ITIH4: variants seen among roughly 807,000 people sequenced by gnomAD.
ITIH4 encodes inter-alpha-trypsin inhibitor heavy chain 4, also known as inter-alpha-trypsin inhibitor heavy chain H4.
A neutral mutation model predicts 111.8 loss-of-function variants in ITIH4; 79 were observed. The ratio of observed to expected loss-of-function variants is 0.71; its 90% confidence interval spans 0.59 to 0.85. The LOEUF (loss-of-function observed/expected upper bound fraction) is 0.85, where lower values mean the gene tolerates loss of function less well. Among genes scored for constraint, ITIH4 ranks in the 40% least tolerant of loss-of-function variants. The probability of loss-of-function intolerance (pLI) is 0.00; values close to 1 mark genes in which losing one functional copy is unlikely to be tolerated. For missense variants in ITIH4, 1,065 were observed against 1,195.8 expected (o/e 0.89, Z 1.61); for synonymous variants, 472 against 468.3 (o/e 1.01, Z -0.10).
rs756726939 is a variant in ITIH4, at chr3:52,819,882, C to T, written c.1912+58G>A. On this transcript the variant is annotated intron_variant, in intron 15 of 23. Coordinates refer to ENST00000266041, the MANE Select transcript of ITIH4 (RefSeq NM_002218.5). ...GAGCTGGGCAAGGCACTACCCTCCA[C>T]AGCCAGGACTGAGCCCAATCTGTCA... 2.5e-5 allele frequency: 40 copies of T among 1,605,896 alleles called. 1 individual carries two copies. The South Asian group carries it at 4.1e-4, about 16-fold the overall frequency.
intron 21 of ITIH4, 69 bp from the exon 22 acceptor site, chr3:52,814,432 G>T: frequency 7.0e-7 from 1 of 1,425,490 alleles, no homozygotes; most frequent in South Asian, 1.2e-5. Context: ...TAGTCAGGGT[G>T]GGGAGTGGGC....
chr3:52,814,147 G>C, intron 22 of ITIH4, 62 bp downstream of exon 22: 3 of 1,603,598 alleles, frequency 1.9e-6, no homozygotes, highest in Admixed American at 1.7e-5. Context: ...GAGGGGCGCT[G>C]CCTGTTCCCA....
At position 52,824,232 on chromosome 3, in the gene ITIH4, C is replaced by T; in HGVS notation, c.1129G>A (p.Val377Ile). 1 of 1,613,468 alleles carries T rather than the reference C, an allele frequency of 6.2e-7. No homozygotes were observed. The highest frequency in any genetic ancestry group is 8.5e-7 in the Non-Finnish European group (1 of 1,180,026). The change falls in exon 9 of 24, where the codon GTC becomes ATC. Residue 377 changes from valine (V) to isoleucine (I), a missense_variant. Transcript: ENST00000266041. The surrounding 1 kb of genome is among the most constrained non-coding windows in gnomAD (Gnocchi z 4.3). ...NQEERLPEGSVSLIILLTDGD... is the reference protein window; with the variant it reads ...NQEERLPEGSISLIILLTDGD... ...TCGGTGAGCAGGATGATGAGTGAGACACTCCCTTCGGGCAGCCGCTCCTCC... is the reference window on the plus strand; with the variant it reads ...TCGGTGAGCAGGATGATGAGTGAGATACTCCCTTCGGGCAGCCGCTCCTCC...
chr3:52,820,781 A>G lies in ITIH4; in HGVS notation c.1684T>C (p.Ser562Pro). Residue 562 changes from serine (S) to proline (P), a missense_variant, in exon 13 of 24, where the codon TCC becomes CCC. By Grantham distance (74) the Ser-to-Pro change is moderately conservative (BLOSUM62 -1). Coordinates refer to ENST00000266041, the MANE Select transcript of ITIH4 (RefSeq NM_002218.5). ...GCCTGCTGATCAGCATCGGATGCGGAGACACTGTAGGTGGAGCACATCAGA... is the reference window on the plus strand; with the variant it reads ...GCCTGCTGATCAGCATCGGATGCGGGGACACTGTAGGTGGAGCACATCAGA... ...TIQQLLEQTV[S>P]ASDADQQALR... The G allele has an allele frequency of 6.2e-7, 1 of 1,610,896 alleles. No individual in the cohort carries two copies. The highest frequency in any genetic ancestry group is 8.5e-7 in the Non-Finnish European group (1 of 1,178,302).
chr3:52,817,129 C>G, intron 20 of ITIH4, 71 bp from the exon 21 acceptor site: 1 of 1,323,906 alleles, frequency 7.6e-7, no homozygotes, highest in Non-Finnish European at 1.1e-6. Context: ...CATGGGGAGT[C>G]CCCCCTGATC....
intron 11 of ITIH4, among the ~76,000 whole-genome samples, chr3:52,822,778 A>T (rs979461493): frequency 6.6e-6 from 1 of 152,102 alleles, no homozygotes; most frequent in Non-Finnish European, 1.5e-5. Flanking sequence ...TTCTCTTCAC[A>T]CACGCTGCCC....
At chr3:52,822,273 G>A (rs952435794) in intron 11 of ITIH4, 5 of 152,126 alleles carry the variant, frequency 3.3e-5, no homozygotes, top group African/African-American at 7.2e-5. Context: ...AACCTGGGAG[G>A]TGGAGCTTGC....
Position 52,813,248 on chromosome 3 carries a change from T to C in ITIH4, c.*173A>G, listed in dbSNP as rs955535011. 1.6e-6 allele frequency: 1 copy of C among 640,478 alleles called. No homozygotes were observed. Among genetic ancestry groups the C allele is most frequent in the Non-Finnish European group, 2.8e-6 (1 of 354,610 alleles). The allele number at this position is 640,478 out of a possible 1,614,324, so 39.7% of individuals were successfully genotyped here. On this transcript the variant is annotated 3_prime_UTR_variant, in exon 24 of 24. Transcript: ENST00000266041. Reference sequence around the variant, plus strand: ...GGTTCAGGATGCGAGGTTGAGGCCCTAGGATTTGGCCACATGGAACTGGAG... The same window carrying C: ...GGTTCAGGATGCGAGGTTGAGGCCCCAGGATTTGGCCACATGGAACTGGAG...
At position 52,814,021 on chromosome 3, in the gene ITIH4, C is replaced by G. The variant is rs151083454; in HGVS notation, c.2677G>C (p.Gly893Arg). The G allele has an allele frequency of 1.7e-5, 28 of 1,613,812 alleles. No individual in the cohort carries two copies. The highest frequency in any genetic ancestry group is 2.4e-5 in the Non-Finnish European group (28 of 1,179,936). The change falls in exon 23 of 24, where the codon GGC becomes CGC. Residue 893 changes from glycine to arginine, a missense_variant. Physicochemically the swap from Gly to Arg is moderately radical, Grantham distance 125. Transcript: ENST00000266041. ...LWGSPAASDD[G>R]RRTLRVQGND... ...CCCTGAACCCTCAGCGTGCGTCTGC[C>G]GTCATCTGATGCTGCTGGAGATCCC... is the stretch of plus-strand genomic sequence containing the variant.
rs991840498 is a variant in ITIH4 at position 52,819,574 on chromosome 3, G to C, written c.1952-56C>G. On this transcript the variant is annotated intron_variant, in intron 16 of 23. Coordinates refer to ENST00000266041, the MANE Select transcript of ITIH4 (RefSeq NM_002218.5). ...CTCAGGTGGGGTGTGGGTCTTCACA[G>C]CCAGGGCTTGAGATCCACCCAGGAG... The C allele has an allele frequency of 2.4e-5, 39 of 1,610,572 alleles. 1 individual carries two copies. In the South Asian group the frequency reaches 2.8e-4, roughly 11 times the overall value.
intron 21 of ITIH4, among the ~76,000 whole-genome samples, chr3:52,814,586 T>C (rs1700247258): frequency 1.3e-5 from 2 of 152,118 alleles, no homozygotes; most frequent in South Asian, 4.1e-4. Flanking sequence ...TTTTTTTCTT[T>C]CTCTTTTTTG....
rs368928237 is a variant in ITIH4 at position 52,819,491 on chromosome 3, A to T, written c.1979T>A (p.Phe660Tyr). The T allele has an allele frequency of 6.2e-7, 1 of 1,614,054 alleles. No individual in the cohort carries two copies. The highest frequency in any genetic ancestry group is 1.3e-5 in the African/African-American group (1 of 74,942). Residue 660 changes from phenylalanine (F) to tyrosine (Y), a missense_variant, in exon 17 of 24, where the codon TTC (phenylalanine) becomes TAC (tyrosine). Physicochemically the swap from Phe to Tyr is conservative, Grantham distance 22 (BLOSUM62 3). Coordinates refer to ENST00000266041, the MANE Select transcript of ITIH4 (RefSeq NM_002218.5). ...QAGAAGSRMN[F>Y]RPGVLSSRQL... ...CCTGGAGCTGAGAACCCCAGGTCTG[A>T]AATTCATCCGGGAGCCAGCAGCTCC...
At chr3:52,816,388 G>C (rs1700277589) in intron 21 of ITIH4, among the ~76,000 whole-genome samples, 1 of 152,226 alleles carries the variant, frequency 6.6e-6, no homozygotes, top group Non-Finnish European at 1.5e-5. Context: ...GTAACATGCT[G>C]TCAACAGTGC....
intron 1 of ITIH4, among the ~76,000 whole-genome samples, chr3:52,829,578 G>C (rs1365618126): frequency 6.6e-6 from 1 of 152,238 alleles, no homozygotes; most frequent in Non-Finnish European, 1.5e-5. Context: ...AAGCATGCAG[G>C]GGGTGGAGCT....
intron 17 of ITIH4, 199 bp from the exon 18 acceptor site, chr3:52,818,735 C>T (rs1370482360): frequency 7.1e-5 from 42 of 591,880 alleles, no homozygotes; most frequent in Non-Finnish European, 1.0e-4. Flanking sequence ...CAGCTGCATT[C>T]GAGTGCAGAT....
rs758806301 is a variant in ITIH4 at position 52,823,806 on chromosome 3, C to G, written c.1353+17G>C. The G allele has an allele frequency of 2.0e-5, 33 of 1,613,688 alleles. No homozygotes were observed. The African/African-American group carries it at 4.1e-4, about 20-fold the overall frequency. On this transcript the variant is annotated intron_variant, in intron 10 of 23. Transcript: ENST00000266041. ...CTGCCCACTTCTCTGTGCAGCCCAC[C>G]TGGGGCACACTGGCACCTGGAGCTG...
chr3:52,825,067 T>C, intron 6 of ITIH4, 109 bp from the exon 7 acceptor site: 1 of 683,244 alleles, frequency 1.5e-6, no homozygotes, highest in Non-Finnish European at 2.4e-6. Flanking sequence ...TCCAATCCCA[T>C]TTCCATCCCA....
chr3:52,830,160 A>G (rs932934130), intron 1 of ITIH4: 2 of 360,658 alleles, frequency 5.5e-6, no homozygotes, highest in Non-Finnish European at 1.1e-5. Context: ...CACTGTCCTA[A>G]GCACTTTATA....
At chr3:52,828,123 G>C (rs1232055285) in intron 2 of ITIH4, among the ~76,000 whole-genome samples, 1 of 152,200 alleles carries the variant, frequency 6.6e-6, no homozygotes, top group Non-Finnish European at 1.5e-5. Context: ...CTCCTGGCCA[G>C]GTCAGGGAGC....
Sources: allele counts gnomAD v4.1 joint callset (sites outside exome capture counted in the v4.1 genomes callset), GRCh38; gene constraint gnomAD v4.1.1; non-coding constraint Gnocchi (gnomAD v3.1); transcripts MANE v1.5; gene names NCBI Gene and HGNC (gene_info 2026-07-23, HGNC 2026-07-21).